The following TDRD7 variants were observed in gnomAD, a reference collection of about 807,000 sequenced individuals.
TDRD7 encodes the protein tudor domain containing 7, also known as tudor domain-containing protein 7.
A neutral mutation model predicts 109.8 loss-of-function variants in TDRD7; 47 were observed. The observed-to-expected ratio is 0.43, with a 90% CI of 0.34 to 0.55. The LOEUF is 0.55. Ranked by LOEUF, TDRD7 falls within the 20% of genes least tolerant of loss-of-function variation. TDRD7 has a pLI of 0.03. For missense variants in TDRD7, 1,164 were observed against 1,319.2 expected (o/e 0.88, Z 1.82); for synonymous variants, 424 against 457.3 (o/e 0.93, Z 0.93).
At chr9:97,430,018 G>C (rs541764169) in intron 2 of TDRD7, among the ~76,000 whole-genome samples, 1 of 152,200 alleles carries the variant, frequency 6.6e-6, no homozygotes, top group South Asian at 2.1e-4. Flanking sequence ...TTGTAATATA[G>C]TCTCAGAAAT....
rs542872574 is a variant in TDRD7, at chr9:97,464,098, AT to A, written c.1443-741del. 5.3e-5 allele frequency among the ~76,000 whole-genome samples: 8 copies of A among 152,230 alleles called. No homozygotes were observed. In the South Asian group the frequency reaches 1.7e-3, roughly 32 times the overall value. On this transcript the variant is annotated intron_variant, in intron 7 of 16. Transcript: ENST00000355295. ...AGTCTCTTCTTAGTAATCTGTAAAG[AT>A]TTCCAGCAGCCTTAGTCAAGATCCA...
intron 1 of TDRD7, among the ~76,000 whole-genome samples, chr9:97,420,903 C>T (rs556799249): frequency 7.9e-5 from 12 of 152,184 alleles, no homozygotes; most frequent in East Asian, 5.8e-4. Context: ...AAGGCCAGGG[C>T]GGGTGGATCA....
intron 1 of TDRD7, among the ~76,000 whole-genome samples, chr9:97,413,854 G>A (rs1827766194): frequency 6.6e-6 from 1 of 152,170 alleles, no homozygotes; most frequent in Non-Finnish European, 1.5e-5. Context: ...CCCTGCTAAT[G>A]CCCTTTTAAG....
At chr9:97,490,893 G>T (rs1234712381) in intron 16 of TDRD7, among the ~76,000 whole-genome samples, 1 of 144,820 alleles carries the variant, frequency 6.9e-6, no homozygotes, top group Non-Finnish European at 1.5e-5. Context: ...CTGACCTCTA[G>T]CATTTCTTTT....
At chr9:97,443,936 A>G (rs1828355656) in intron 6 of TDRD7, among the ~76,000 whole-genome samples, 3 of 152,156 alleles carry the variant, frequency 2.0e-5, no homozygotes, top group Admixed American at 2.0e-4. Flanking sequence ...TAGTTTTTTT[A>G]TATTCCATGA....
At position 97,470,732 on chromosome 9, in the gene TDRD7, A is replaced by G. The variant is rs1375816625; in HGVS notation, c.1741+63A>G. On this transcript the variant is annotated intron_variant, in intron 9 of 16. Transcript: ENST00000355295. ...TAGGCTATTACCACTGTACATTTGG[A>G]TAGTTGAATCCTAAAATGGACTAAG... 1.6e-5 allele frequency: 20 copies of G among 1,268,318 alleles called. No homozygotes were observed. The East Asian group carries it at 3.3e-4, about 21-fold the overall frequency. The allele number at this position is 1,268,318 out of a possible 1,614,324, so 78.6% of individuals were successfully genotyped here. A position where few individuals can be genotyped will look rare whatever the true frequency, so the allele number is the denominator to read the frequency against.
intron 1 of TDRD7, among the ~76,000 whole-genome samples, chr9:97,419,166 A>G (rs1459125232): frequency 2.0e-5 from 3 of 152,244 alleles, no homozygotes; most frequent in Non-Finnish European, 2.9e-5. Flanking sequence ...CCACTTAGGC[A>G]TACGGATATA....
At chr9:97,453,950 G>A (rs939230367) in intron 6 of TDRD7, among the ~76,000 whole-genome samples, 1 of 152,118 alleles carries the variant, frequency 6.6e-6, no homozygotes, top group Non-Finnish European at 1.5e-5. Flanking sequence ...GAATAGTAGT[G>A]GGAGACTTTA....
intron 13 of TDRD7, among the ~76,000 whole-genome samples, chr9:97,479,203 ATCT>A (rs1174790970): frequency 1.3e-5 from 2 of 152,196 alleles, no homozygotes; most frequent in Non-Finnish European, 2.9e-5. Context: ...TCAAGAAGAC[ATCT>A]TCTGCCATCA....
intron 4 of TDRD7, among the ~76,000 whole-genome samples, chr9:97,432,512 T>G (rs1265106543): frequency 6.6e-6 from 1 of 152,204 alleles, no homozygotes; most frequent in African/African-American, 2.4e-5. Flanking sequence ...TCAGTATAAC[T>G]TATAACTTTT....
intron 6 of TDRD7, among the ~76,000 whole-genome samples, chr9:97,448,532 G>A (rs1363142422): frequency 6.6e-6 from 1 of 152,208 alleles, no homozygotes; most frequent in Non-Finnish European, 1.5e-5. Flanking sequence ...CAAGCTTCTG[G>A]TCAGTGACTT....
chr9:97,482,882 CAT>C lies in TDRD7; in HGVS notation c.2447_2448del (p.His816ArgfsTer7). 2 of 1,614,108 alleles carry C rather than the reference CAT, an allele frequency of 1.2e-6. No individual in the cohort carries two copies. The highest frequency in any genetic ancestry group is 1.7e-6 in the Non-Finnish European group (2 of 1,179,972). ...AGTGGATGAAACCAGAGGGATCGCA[CAT>C]GTTTATTTATTTACCCCTAAGAACT... ...TKVDETRGIAHVYLFTPKNFP... is the reference protein window; with the variant it reads ...TKVDETRGIAXVYLFTPKNFP... On this transcript the variant is annotated frameshift_variant, in exon 15 of 17. Transcript: ENST00000355295. LOFTEE classifies it high-confidence loss of function.
rs528137039 is a variant in TDRD7, at chr9:97,421,216, A to G, written c.-6-7244A>G. Among the ~76,000 whole-genome samples, 324 of 152,230 alleles carry G rather than the reference A, an allele frequency of 2.1e-3. 4 individuals are homozygous for G. The highest frequency in any genetic ancestry group is 4.4e-3 in the South Asian group (21 of 4,826). On this transcript the variant is annotated intron_variant, in intron 1 of 16. Transcript: ENST00000355295. Reference sequence around the variant, plus strand: ...CCCACCAGAAATGTATGAGAGTTCTAAATGCTCTGCTTTCTCATCAGCACT... The same window carrying G: ...CCCACCAGAAATGTATGAGAGTTCTGAATGCTCTGCTTTCTCATCAGCACT...
intron 6 of TDRD7, among the ~76,000 whole-genome samples, chr9:97,453,434 C>A (rs1431235956): frequency 1.3e-5 from 2 of 152,054 alleles, no homozygotes; most frequent in Non-Finnish European, 2.9e-5. Context: ...TTGAAAAAAA[C>A]CATAATAAGT....
chr9:97,444,736 A>T (rs1465665361), intron 6 of TDRD7, among the ~76,000 whole-genome samples: 4 of 152,334 alleles, frequency 2.6e-5, no homozygotes, highest in East Asian at 1.9e-4. Context: ...ACCAGATAAA[A>T]TATTCTATAT....
intron 1 of TDRD7, among the ~76,000 whole-genome samples, chr9:97,427,901 TC>T (rs2118276188): frequency 1.3e-5 from 2 of 152,280 alleles, no homozygotes; most frequent in African/African-American, 4.8e-5. Context: ...ATCATTTTTT[TC>T]CCCTATTTAA....
rs553577569 is a variant in TDRD7 at position 97,441,199 on chromosome 9, C to T, written c.638-459C>T. ...TCAAACTCAGGCAATTTTTTATCTT[C>T]TACAAAACTAGTATAAGATCAAAAA... On this transcript the variant is annotated intron_variant, in intron 5 of 16. Coordinates refer to ENST00000355295, the MANE Select transcript of TDRD7 (RefSeq NM_014290.3). Among the ~76,000 whole-genome samples, 15 of 152,146 alleles carry T rather than the reference C, an allele frequency of 9.9e-5. 1 individual carries two copies. The highest frequency in any genetic ancestry group is 3.6e-4 in the African/African-American group (15 of 41,514).
chr9:97,448,752 A>G (rs1195464723), intron 6 of TDRD7, among the ~76,000 whole-genome samples: 2 of 152,232 alleles, frequency 1.3e-5, no homozygotes, highest in African/African-American at 2.4e-5. Context: ...TGGTGACCAT[A>G]TAAAATGAAA....
At chr9:97,439,062 G>T (rs1828250903) in intron 4 of TDRD7, among the ~76,000 whole-genome samples, 183 bp from the exon 5 acceptor site, 1 of 152,040 alleles carries the variant, frequency 6.6e-6, no homozygotes, top group African/African-American at 2.4e-5. Flanking sequence ...TTCTCTGAGT[G>T]AATATGAAAC....
Sources: gnomAD v4.1 joint callset for allele counts (sites outside exome capture counted in the v4.1 genomes callset) on GRCh38, gnomAD v4.1.1 for gene constraint, MANE v1.5 for transcripts, NCBI Gene and HGNC (gene_info 2026-07-23, HGNC 2026-07-21) for gene names.